Variants in FRMD4B observed in about 807,000 individuals in gnomAD.
FRMD4B encodes the protein FERM domain-containing protein 4B.
FRMD4B carries 74 observed loss-of-function variants against 141.5 expected under a neutral mutation model. That is an observed-to-expected ratio of 0.52 (90% CI 0.43 to 0.63). The LOEUF is 0.63. Ranked by LOEUF, FRMD4B falls within the 30% of genes least tolerant of loss-of-function variation. FRMD4B has a pLI of 0.00. For synonymous variants in FRMD4B, 506 were observed against 467.9 expected, an observed-to-expected ratio of 1.08 and a Z score of -1.05; for missense variants, 1,366 against 1,253.4, an observed-to-expected ratio of 1.09 and a Z score of -1.36.
intron 11 of FRMD4B, among the ~76,000 whole-genome samples, chr3:69,205,037 T>C (rs1489711451): frequency 7.7e-6 from 1 of 129,276 alleles, no homozygotes; most frequent in East Asian, 2.5e-4. Context: ...GAGTGCTGTA[T>C]GGGTATCTGT....
chr3:69,244,283 G>A (rs79643671), intron 7 of FRMD4B, among the ~76,000 whole-genome samples: 2,726 of 152,222 alleles, frequency 0.018, 87 homozygotes, highest in African/African-American at 0.062. Flanking sequence ...GACAATGGAA[G>A]AGGAGCTGGT....
intron 11 of FRMD4B, chr3:69,198,999 G>T: frequency 2.1e-6 from 1 of 469,480 alleles, no homozygotes; most frequent in Non-Finnish European, 3.9e-6. Flanking sequence ...GGCCGGGCGC[G>T]GTGGCTCACG....
At chr3:69,199,728 A>T (rs2092947634) in intron 11 of FRMD4B, among the ~76,000 whole-genome samples, 1 of 152,212 alleles carries the variant, frequency 6.6e-6, no homozygotes, top group Non-Finnish European at 1.5e-5. Context: ...CACACTACTG[A>T]TACTCTATTG....
At chr3:69,385,742 G>T in intron 1 of FRMD4B, 86 bp downstream of exon 1, 2 of 1,165,810 alleles carry the variant, frequency 1.7e-6, no homozygotes, top group Non-Finnish European at 1.2e-6. Context: ...AGAGCTGGGG[G>T]GAATAAAATC....
At chr3:69,246,670 C>A (rs7629818) in intron 7 of FRMD4B, among the ~76,000 whole-genome samples, 45,819 of 151,980 alleles carry the variant, frequency 0.3, 7,794 homozygotes, top group African/African-American at 0.47. Flanking sequence ...GAGGCTCAGA[C>A]AGGATAAGTG....
chr3:69,391,507 T>C (rs2106723804), intron 2 of FRMD4B, among the ~76,000 whole-genome samples: 1 of 151,628 alleles, frequency 6.6e-6, no homozygotes, highest in Middle Eastern at 3.4e-3. Flanking sequence ...TGTTTGGTTT[T>C]CTGTCCTTGC....
intron 1 of FRMD4B, among the ~76,000 whole-genome samples, chr3:69,526,484 G>C (rs1319102529): frequency 6.6e-6 from 1 of 152,168 alleles, no homozygotes; most frequent in African/African-American, 2.4e-5. Context: ...TGTGGAGTAA[G>C]TTATGAGCCC....
At chr3:69,375,075 T>A (rs1465257584) in intron 1 of FRMD4B, among the ~76,000 whole-genome samples, 4 of 122,756 alleles carry the variant, frequency 3.3e-5, no homozygotes, top group Admixed American at 1.0e-4. Context: ...CAAGCATCCA[T>A]CCAACCAAAC....
upstream of FRMD4B, chr3:69,386,139 C>G: frequency 1.4e-6 from 1 of 700,786 alleles, no homozygotes; most frequent in Admixed American, 3.5e-5. Flanking sequence ...ACCGTGCGTC[C>G]TGGCCAGGCT....
intron 21 of FRMD4B, among the ~76,000 whole-genome samples, chr3:69,180,566 G>T (rs916661884): frequency 6.6e-6 from 1 of 151,986 alleles, no homozygotes. Context: ...ACACATCCCA[G>T]CCTAGGCGAC....
At chr3:69,403,074 G>T (rs1286818337) in intron 2 of FRMD4B, among the ~76,000 whole-genome samples, 2 of 152,158 alleles carry the variant, frequency 1.3e-5, no homozygotes, top group Non-Finnish European at 2.9e-5. Flanking sequence ...AAGATACTGG[G>T]TCTGTGTCCA....
chr3:69,213,558 T>C (rs932873528), intron 11 of FRMD4B, among the ~76,000 whole-genome samples: 1 of 152,128 alleles, frequency 6.6e-6, no homozygotes, highest in Non-Finnish European at 1.5e-5. Context: ...AAATTGATCT[T>C]GGTCACAGAG....
At chr3:69,236,554 T>G (rs2093346974) in intron 7 of FRMD4B, among the ~76,000 whole-genome samples, 1 of 152,096 alleles carries the variant, frequency 6.6e-6, no homozygotes, top group Non-Finnish European at 1.5e-5. Context: ...GAAAAACACT[T>G]TTACATGAGC....
At chr3:69,352,312 G>A (rs945996588) in intron 1 of FRMD4B, among the ~76,000 whole-genome samples, 3 of 152,102 alleles carry the variant, frequency 2.0e-5, no homozygotes, top group Admixed American at 6.6e-5. Context: ...TCACTCCTTC[G>A]GACATTAGAT....
At chr3:69,213,849 CT>C (rs910228852) in intron 11 of FRMD4B, among the ~76,000 whole-genome samples, 3 of 150,218 alleles carry the variant, frequency 2.0e-5, no homozygotes, top group African/African-American at 4.9e-5. Context: ...TTTTCTTTTT[CT>C]TTTTTTTTGT....
intron 1 of FRMD4B, among the ~76,000 whole-genome samples, chr3:69,378,576 A>G (rs1704033959): frequency 6.6e-6 from 1 of 152,180 alleles, no homozygotes; most frequent in South Asian, 2.1e-4. Context: ...TGACTGATAC[A>G]CTGACATCAC....
rs924865885 is a variant in FRMD4B, at chr3:69,322,923, GCA to G, written c.163-9408_163-9407del. On this transcript the variant is annotated intron_variant, in intron 1 of 22. Transcript: ENST00000398540. ...ATTTCATAGATGACCAAACTGAAGT[GCA>G]CAGAGGTTAAGTGGTGCCTGGTCAT... The G allele has an allele frequency of 6.9e-5, 22 of 317,220 alleles. No individual in the cohort carries two copies. The South Asian group carries it at 2.0e-3, about 29-fold the overall frequency. 19.7% of individuals were successfully genotyped at this position (317,220 alleles called of 1,614,324 possible). A position where few individuals can be genotyped will look rare whatever the true frequency, so the allele number is the denominator to read the frequency against.
chr3:69,181,518 T>G lies in FRMD4B; in HGVS notation c.2232A>C (p.Thr744=). 6.2e-7 allele frequency: 1 copy of G among 1,613,552 alleles called. No homozygotes were observed. Among genetic ancestry groups the G allele is most frequent in the Non-Finnish European group, 8.5e-7 (1 of 1,179,488 alleles). The part of the protein sequence containing the change: ...SQSSTEYYCV[T]PVTGPYYTTQ... ...TGGTGTAATAGGGGCCGGTAACTGG[T>G]GTCACACAGTAATACTCTGTGCTTG... The change falls in exon 21 of 23, where the codon ACA becomes ACC. Residue 744 remains threonine (T), a synonymous_variant. Transcript: ENST00000398540.
intron 1 of FRMD4B, among the ~76,000 whole-genome samples, chr3:69,345,922 C>G (rs6805807): frequency 0.28 from 42,104 of 152,022 alleles, 6,410 homozygotes; most frequent in Admixed American, 0.34. Context: ...AAAAGCAGAG[C>G]GCCTCCCCAC....
Sources: gnomAD v4.1 joint callset for allele counts (sites outside exome capture counted in the v4.1 genomes callset) on GRCh38, gnomAD v4.1.1 for gene constraint, MANE v1.5 for transcripts, NCBI Gene and HGNC (gene_info 2026-07-23, HGNC 2026-07-21) for gene names.